The following SHISAL1 variants were observed in gnomAD, a reference collection of about 807,000 sequenced individuals.
SHISAL1 encodes protein shisa-like-1.
A neutral mutation model predicts 22.6 loss-of-function variants in SHISAL1; 9 were observed. The ratio of observed to expected loss-of-function variants is 0.40; its 90% CI spans 0.24 to 0.70. The LOEUF (loss-of-function observed/expected upper bound fraction) is 0.70, where lower values mean the gene tolerates loss of function less well. Among genes scored for constraint, SHISAL1 ranks in the 30% least tolerant of loss-of-function variants. SHISAL1 has a pLI of 0.39. For synonymous variants in SHISAL1, 119 were observed against 115.4 expected, an observed-to-expected ratio of 1.03 and a Z score of -0.20; for missense variants, 246 against 270.6, an observed-to-expected ratio of 0.91 and a Z score of 0.64.
At chr22:44,265,372 C>T (rs2055154876) in intron 4 of SHISAL1, among the ~76,000 whole-genome samples, 1 of 152,174 alleles carries the variant, frequency 6.6e-6, no homozygotes, top group South Asian at 2.1e-4. Context: ...ATGCCATGAG[C>T]TACCCTGTGG....
rs369175423 is a variant in SHISAL1, at chr22:44,302,000, C to G, written c.-32-1023G>C. Among the ~76,000 whole-genome samples the G allele has an allele frequency of 3.3e-5, 5 of 152,042 alleles. No homozygotes were observed. In the East Asian group the frequency reaches 7.7e-4, roughly 23 times the overall value. On this transcript the variant is annotated intron_variant, in intron 1 of 4. Transcript: ENST00000381176. ...TCTGGAGGTGCATGGTGGGGAGGGT[C>G]GCACAACACTGAATTTACTCAATGC...
chr22:44,330,079 A>G, the SHISAL1 span, among the ~76,000 whole-genome samples: 4 of 152,208 alleles, frequency 2.6e-5, no homozygotes, highest in Non-Finnish European at 5.9e-5. Flanking sequence ...GACAGAAAAC[A>G]CTTTAGACAA....
intron 1 of SHISAL1, among the ~76,000 whole-genome samples, chr22:44,303,535 C>T (rs1481571370): frequency 6.6e-6 from 1 of 152,126 alleles, no homozygotes; most frequent in East Asian, 1.9e-4. Context: ...TGCCAGCGAA[C>T]CCCCAGGAAC....
chr22:44,247,928 G>A lies in SHISAL1; in HGVS notation c.*1757C>T, dbSNP rs2055016879. The A allele has an allele frequency of 6.9e-6, 1 of 144,474 alleles. No individual in the cohort carries two copies. Among genetic ancestry groups the A allele is most frequent in the Non-Finnish European group, 1.5e-5 (1 of 67,214 alleles). The allele number at this position is 144,474 out of a possible 1,614,324, so 8.9% of individuals were successfully genotyped here. A position where few individuals can be genotyped will look rare whatever the true frequency, so the allele number is the denominator to read the frequency against. ...GTGCTTCCTTGAAACCACCAAGCCTGTGGCTGCCGCAGGATCTTTGCACTA... is the reference window on the plus strand; with the variant it reads ...GTGCTTCCTTGAAACCACCAAGCCTATGGCTGCCGCAGGATCTTTGCACTA... On this transcript the variant is annotated 3_prime_UTR_variant, in exon 5 of 5. Coordinates refer to ENST00000381176, the MANE Select transcript of SHISAL1 (RefSeq NM_001099294.2).
rs570287948 is a variant in SHISAL1 at position 44,244,496 on chromosome 22, G to A, written c.*5189C>T. On this transcript the variant is annotated 3_prime_UTR_variant, in exon 5 of 5. Coordinates refer to ENST00000381176, the MANE Select transcript of SHISAL1 (RefSeq NM_001099294.2). The stretch of plus-strand genomic sequence containing the variant: ...CTTTGATGTAAAGATAGGAGTTTTA[G>A]GTACAGAGTAACTAACAGTCAAATC... The A allele has an allele frequency of 6.6e-6, 1 of 152,234 alleles. No individual in the cohort carries two copies. Among genetic ancestry groups the A allele is most frequent in the South Asian group, 2.1e-4 (1 of 4,820 alleles). 9.4% of individuals were successfully genotyped at this position (152,234 alleles called of 1,614,324 possible). A position where few individuals can be genotyped will look rare whatever the true frequency, so the allele number is the denominator to read the frequency against.
At chr22:44,288,794 G>A (rs912244599) in intron 3 of SHISAL1, among the ~76,000 whole-genome samples, 8 of 152,246 alleles carry the variant, frequency 5.3e-5, no homozygotes, top group South Asian at 2.1e-4. Flanking sequence ...CCCAGATATC[G>A]CCTCCTCCAG....
At chr22:44,251,984 C>G (rs114417855) in intron 4 of SHISAL1, among the ~76,000 whole-genome samples, 315 of 152,278 alleles carry the variant, frequency 2.1e-3, no homozygotes, top group African/African-American at 7.4e-3. Flanking sequence ...AGAAGCATAA[C>G]AAATGCAATG....
intron 4 of SHISAL1, among the ~76,000 whole-genome samples, chr22:44,281,581 C>T (rs1167780844): frequency 1.3e-5 from 2 of 152,142 alleles, no homozygotes; most frequent in Admixed American, 6.5e-5. Flanking sequence ...CTCCACAGTG[C>T]GAAGGAGACA....
At position 44,266,683 on chromosome 22, in the gene SHISAL1, G is replaced by C. The variant is rs143594762; in HGVS notation, c.*-16998C>G. 9.1e-3 allele frequency among the ~76,000 whole-genome samples: 1,388 copies of C among 152,022 alleles called. 20 individuals carry two copies. The highest frequency in any genetic ancestry group is 0.031 in the African/African-American group (1,273 of 41,442). ...TGTTTGACTTTGGACACATGCTGTG[G>C]CCTCTCTGAGCCTGAGTTTCTGACA... On this transcript the variant is annotated intron_variant, in intron 4 of 4. Coordinates refer to ENST00000381176, the MANE Select transcript of SHISAL1 (RefSeq NM_001099294.2).
chr22:44,266,119 A>G (rs2055159410), intron 4 of SHISAL1, among the ~76,000 whole-genome samples: 1 of 151,954 alleles, frequency 6.6e-6, no homozygotes, highest in Non-Finnish European at 1.5e-5. Flanking sequence ...ACCAGTCTTC[A>G]CTCAGCCTTA....
At chr22:44,298,666 G>T (rs764391507) in intron 2 of SHISAL1, among the ~76,000 whole-genome samples, 3 of 152,242 alleles carry the variant, frequency 2.0e-5, no homozygotes, top group Non-Finnish European at 4.4e-5. Flanking sequence ...GGCTACCACA[G>T]GACTCAGGGA....
chr22:44,299,703 C>CACAGAG (rs1320757474), intron 2 of SHISAL1, among the ~76,000 whole-genome samples: 4 of 152,100 alleles, frequency 2.6e-5, no homozygotes, highest in African/African-American at 4.8e-5. Context: ...TACAGAGAGA[C>CACAGAG]ACAGAGACAG....
chr22:44,285,892 G>A, intron 3 of SHISAL1, 147 bp from the exon 4 acceptor site: 1 of 684,002 alleles, frequency 1.5e-6, no homozygotes. Context: ...GGAGGGCGGG[G>A]CCTTGGCTCC....
At chr22:44,251,518 T>C (rs2055047493) in intron 4 of SHISAL1, among the ~76,000 whole-genome samples, 1 of 152,212 alleles carries the variant, frequency 6.6e-6, no homozygotes, top group Non-Finnish European at 1.5e-5. Context: ...TTCACGCTGC[T>C]AATAGACATA....
At chr22:44,260,888 C>T (rs135434) in intron 4 of SHISAL1, among the ~76,000 whole-genome samples, 92,600 of 151,268 alleles carry the variant, frequency 0.61, 28,952 homozygotes, top group South Asian at 0.68. Flanking sequence ...GAGTGGTTTC[C>T]CTGGAGGGCA....
intron 1 of SHISAL1, among the ~76,000 whole-genome samples, chr22:44,309,605 C>G (rs1029457791): frequency 6.6e-6 from 1 of 152,166 alleles, no homozygotes; most frequent in African/African-American, 2.4e-5. Context: ...CCGGGGTCTG[C>G]TCCTGTGCCC....
chr22:44,252,714 G>T (rs184031526), intron 4 of SHISAL1, among the ~76,000 whole-genome samples: 1 of 152,256 alleles, frequency 6.6e-6, no homozygotes, highest in Non-Finnish European at 1.5e-5. Flanking sequence ...GATGGGCAGG[G>T]CCGGGCGTGG....
intron 3 of SHISAL1, among the ~76,000 whole-genome samples, chr22:44,295,991 G>A (rs555471548): frequency 6.6e-6 from 1 of 152,308 alleles, no homozygotes; most frequent in African/African-American, 2.4e-5. Context: ...TGGGTCAATG[G>A]TGTCAATCAG....
chr22:44,327,240 GCACACACACACACACA>G, the SHISAL1 span, among the ~76,000 whole-genome samples: 23,245 of 144,998 alleles, frequency 0.16, 2,270 homozygotes, highest in Non-Finnish European at 0.22. Flanking sequence ...TGGGGGGCGC[GCACACACACACACACA>G]CACACACACA....
Sources: allele counts gnomAD v4.1 joint callset (sites outside exome capture counted in the v4.1 genomes callset), GRCh38; gene constraint gnomAD v4.1.1; transcripts MANE v1.5; gene names NCBI Gene and HGNC (gene_info 2026-07-23, HGNC 2026-07-21).